The following SLC33A1 variants were observed in gnomAD, a reference collection of about 807,000 sequenced individuals.
SLC33A1 encodes acetyl-coenzyme A transporter 1.
In SLC33A1, 20 loss-of-function variants were observed where a neutral mutation model predicts 50.0. That is an observed-to-expected ratio of 0.40 (90% CI 0.28 to 0.58). The LOEUF (loss-of-function observed/expected upper bound fraction) is 0.58, where lower values mean the gene tolerates loss of function less well. Among genes scored for constraint, SLC33A1 ranks in the 20% least tolerant of loss-of-function variants. The pLI is 0.44. For synonymous variants in SLC33A1, 265 were observed against 251.8 expected, an observed-to-expected ratio of 1.05 and a Z score of -0.50; for missense variants, 476 against 657.0, an observed-to-expected ratio of 0.72 and a Z score of 3.01.
chr3:155,828,062 G>C lies in SLC33A1; in HGVS notation c.*148C>G. ...AAAATATGATCAAATATACAGAAAG[G>C]TTTCTATTTTTTCAACCATTTGGCA... is the stretch of plus-strand genomic sequence containing the variant. On this transcript the variant is annotated 3_prime_UTR_variant, in exon 6 of 6. Coordinates refer to ENST00000643144, the MANE Select transcript of SLC33A1 (RefSeq NM_004733.4). 1 of 631,734 alleles carries C rather than the reference G, an allele frequency of 1.6e-6. No homozygotes were observed. Among genetic ancestry groups the C allele is most frequent in the Non-Finnish European group, 2.8e-6 (1 of 359,174 alleles). The allele number at this position is 631,734 out of a possible 1,614,324, so 39.1% of individuals were successfully genotyped here. A position where few individuals can be genotyped will look rare whatever the true frequency, so the allele number is the denominator to read the frequency against.
chr3:155,850,382 AGAT>A (rs1753350719), intron 1 of SLC33A1, among the ~76,000 whole-genome samples: 1 of 152,298 alleles, frequency 6.6e-6, no homozygotes, highest in African/African-American at 2.4e-5. Flanking sequence ...AGGATTAAGG[AGAT>A]GATGTTACTT....
In SLC33A1 at chr3:155,854,157, G is replaced by A. The variant is rs962518888; in HGVS notation, c.-160C>T. On this transcript the variant is annotated 5_prime_UTR_variant, in exon 1 of 6. Coordinates refer to ENST00000643144, the MANE Select transcript of SLC33A1 (RefSeq NM_004733.4). ...ATAAGGGCACTTCTTACTGCAGCCCGGAGTGCTGAAGCCGGGAGCCAGTCC... is the reference window on the plus strand; with the variant it reads ...ATAAGGGCACTTCTTACTGCAGCCCAGAGTGCTGAAGCCGGGAGCCAGTCC... The A allele has an allele frequency of 3.7e-6, 2 of 543,462 alleles. No homozygotes were observed. The highest frequency in any genetic ancestry group is 6.3e-6 in the Non-Finnish European group (2 of 319,894). The allele number at this position is 543,462 out of a possible 1,614,324, so 33.7% of individuals were successfully genotyped here. A position where few individuals can be genotyped will look rare whatever the true frequency, so the allele number is the denominator to read the frequency against.
In SLC33A1 at chr3:155,831,143, G is replaced by A. The variant is rs1018090598; in HGVS notation, c.1267-1240C>T. Among the ~76,000 whole-genome samples the A allele has an allele frequency of 9.9e-5, 15 of 152,054 alleles. 1 individual carries two copies. The highest frequency in any genetic ancestry group is 1.5e-5 in the Non-Finnish European group (1 of 68,016). On this transcript the variant is annotated intron_variant, in intron 4 of 5. Coordinates refer to ENST00000643144, the MANE Select transcript of SLC33A1 (RefSeq NM_004733.4). ...CAGTACTCAGAATGGTTTCTGGCAG[G>A]GAATAGGTGTTCACTTAATATTTGT...
rs1275678302 is a variant in SLC33A1 at position 155,824,548 on chromosome 3, TTTCAAG to T, written c.*3656_*3661del. ...CTTATCTACTCTAATTCCTTCAAAG[TTTCAAG>T]TTCAATACAGTATAACATATGCAGA... On this transcript the variant is annotated 3_prime_UTR_variant, in exon 6 of 6. Coordinates refer to ENST00000643144, the MANE Select transcript of SLC33A1 (RefSeq NM_004733.4). 6.6e-6 allele frequency: 1 copy of T among 152,200 alleles called. No homozygotes were observed. Among genetic ancestry groups the T allele is most frequent in the African/African-American group, 2.4e-5 (1 of 41,464 alleles). The allele number at this position is 152,200 out of a possible 1,614,324, so 9.4% of individuals were successfully genotyped here. A position where few individuals can be genotyped will look rare whatever the true frequency, so the allele number is the denominator to read the frequency against.
At chr3:155,828,789 C>T (rs866682892) in intron 5 of SLC33A1, among the ~76,000 whole-genome samples, 3 of 151,786 alleles carry the variant, frequency 2.0e-5, no homozygotes, top group African/African-American at 7.3e-5. Context: ...GGTGCTTCAC[C>T]ATGTGGCCCA....
rs1431120824 is a variant in SLC33A1 at position 155,822,017 on chromosome 3, C to G, written c.*6193G>C. 1 of 152,060 alleles carries G rather than the reference C, an allele frequency of 6.6e-6. No individual in the cohort carries two copies. Among genetic ancestry groups the G allele is most frequent in the Non-Finnish European group, 1.5e-5 (1 of 68,048 alleles). The allele number at this position is 152,060 out of a possible 1,614,324, so 9.4% of individuals were successfully genotyped here. A position where few individuals can be genotyped will look rare whatever the true frequency, so the allele number is the denominator to read the frequency against. On this transcript the variant is annotated 3_prime_UTR_variant, in exon 6 of 6. Transcript: ENST00000643144. ...CAAACTCCTGACCTCAAGTGATTCT[C>G]CTGCCTAAGCCTCCCAAACTAATGG...
At chr3:155,850,413 G>A (rs1258515410) in intron 1 of SLC33A1, among the ~76,000 whole-genome samples, 5 of 152,172 alleles carry the variant, frequency 3.3e-5, no homozygotes, top group African/African-American at 1.2e-4. Context: ...GAAAGCCTCA[G>A]TGAAATCAAG....
At position 155,824,875 on chromosome 3, in the gene SLC33A1, T is replaced by C. The variant is rs1752166640; in HGVS notation, c.*3335A>G. On this transcript the variant is annotated 3_prime_UTR_variant, in exon 6 of 6. Coordinates refer to ENST00000643144, the MANE Select transcript of SLC33A1 (RefSeq NM_004733.4). ...TTTCGATTTCAAAGGTTTAATATTT[T>C]TAAAAAATTGAGAAATCTATTTAAG... 6.6e-6 allele frequency: 1 copy of C among 152,204 alleles called. No individual in the cohort carries two copies. The highest frequency in any genetic ancestry group is 2.4e-5 in the African/African-American group (1 of 41,452). The allele number at this position is 152,204 out of a possible 1,614,324, so 9.4% of individuals were successfully genotyped here. A position where few individuals can be genotyped will look rare whatever the true frequency, so the allele number is the denominator to read the frequency against.
rs561908946 is a variant in SLC33A1, at chr3:155,854,394, G to C, written c.-397C>G. 1.1e-5 allele frequency: 2 copies of C among 180,348 alleles called. No homozygotes were observed. Among genetic ancestry groups the C allele is most frequent in the East Asian group, 2.9e-4 (2 of 6,974 alleles). The allele number at this position is 180,348 out of a possible 1,614,324, so 11.2% of individuals were successfully genotyped here. A position where few individuals can be genotyped will look rare whatever the true frequency, so the allele number is the denominator to read the frequency against. On this transcript the variant is annotated 5_prime_UTR_variant, in exon 1 of 6. Transcript: ENST00000643144. ...CTCTCGCTGCTATCAATGCGGCAGA[G>C]AGCACTTTCTCTACAGGACTCCAGA... is the stretch of plus-strand genomic sequence containing the variant.
intron 1 of SLC33A1, among the ~76,000 whole-genome samples, chr3:155,850,299 G>A (rs1448617932): frequency 2.0e-5 from 3 of 151,852 alleles, no homozygotes; most frequent in African/African-American, 7.3e-5. Context: ...GAGCCAACGC[G>A]CCCAGCCAGT....
At chr3:155,828,401 A>C in intron 5 of SLC33A1, 24 bp from the exon 6 acceptor site, 4 of 1,404,864 alleles carry the variant, frequency 2.8e-6, no homozygotes, top group Non-Finnish European at 3.0e-6. Context: ...ACTATAATAA[A>C]TACTCCACAA....
chr3:155,830,517 G>A (rs1011946069), intron 4 of SLC33A1, among the ~76,000 whole-genome samples: 3 of 152,056 alleles, frequency 2.0e-5, no homozygotes, highest in Non-Finnish European at 4.4e-5. Context: ...AGGAAGTACT[G>A]TAAATAGAAG....
intron 1 of SLC33A1, among the ~76,000 whole-genome samples, chr3:155,847,076 C>A (rs145782395): frequency 6.6e-6 from 1 of 151,866 alleles, no homozygotes; most frequent in Non-Finnish European, 1.5e-5. Flanking sequence ...GGCATGGTGG[C>A]ACATGCCTGT....
chr3:155,833,562 G>A lies in SLC33A1; in HGVS notation c.1172C>T (p.Ala391Val). The A allele has an allele frequency of 1.9e-6, 3 of 1,591,118 alleles. No individual in the cohort carries two copies. The highest frequency in any genetic ancestry group is 2.6e-6 in the Non-Finnish European group (3 of 1,159,358). ...PYRLLLGLEYALLVWWTPKVE... is the reference protein window; with the variant it reads ...PYRLLLGLEYVLLVWWTPKVE... Reference sequence around the variant, plus strand: ...TTTAGGAGTCCACCAAACCAGTAGGGCATATTCTAACCCAAGCAATAATCT... The same window carrying A: ...TTTAGGAGTCCACCAAACCAGTAGGACATATTCTAACCCAAGCAATAATCT... Residue 391 changes from alanine (A) to valine (V), a missense_variant, in exon 4 of 6, where the codon GCC becomes GTC. Physicochemically the swap from Ala to Val is moderately conservative, Grantham distance 64. Transcript: ENST00000643144.
intron 1 of SLC33A1, among the ~76,000 whole-genome samples, chr3:155,849,954 T>C (rs899927571): frequency 9.1e-4 from 126 of 138,176 alleles, no homozygotes; most frequent in African/African-American, 2.8e-3. Flanking sequence ...ATAATAATAA[T>C]AACAATTCAC....
intron 1 of SLC33A1, among the ~76,000 whole-genome samples, chr3:155,847,122 C>G (rs868052576): frequency 6.6e-6 from 1 of 151,968 alleles, no homozygotes; most frequent in Non-Finnish European, 1.5e-5. Flanking sequence ...GCATGAGAAT[C>G]GCTTGAATCC....
intron 1 of SLC33A1, among the ~76,000 whole-genome samples, chr3:155,845,525 G>A (rs1299938396): frequency 6.6e-6 from 1 of 151,942 alleles, no homozygotes; most frequent in Non-Finnish European, 1.5e-5. Context: ...GCTTTGAGGA[G>A]AAAATACATA....
Position 155,854,426 on chromosome 3 carries a change from A to G in SLC33A1, c.-429T>C, listed in dbSNP as rs1378725565. ...TTCTCTACAGGACTCCAGAAAAAGC[A>G]TATAACTTCCTGCCTCGCGCTTCAG... On this transcript the variant is annotated 5_prime_UTR_variant, in exon 1 of 6. It removes an upstream start codon present in the reference 5' UTR. Transcript: ENST00000643144. 2 of 159,588 alleles carry G rather than the reference A, an allele frequency of 1.3e-5. No homozygotes were observed. Among genetic ancestry groups the G allele is most frequent in the African/African-American group, 4.8e-5 (2 of 41,734 alleles). The allele number at this position is 159,588 out of a possible 1,614,324, so 9.9% of individuals were successfully genotyped here. A position where few individuals can be genotyped will look rare whatever the true frequency, so the allele number is the denominator to read the frequency against.
chr3:155,836,280 C>CAAAAAAAAAAAAAAAAAAAAAAAAAAAAA (rs57460942), intron 2 of SLC33A1, among the ~76,000 whole-genome samples: 3 of 27,164 alleles, frequency 1.1e-4, no homozygotes, highest in African/African-American at 4.2e-4. Context: ...GAGACTCTGT[C>CAAAAAAAAAAAAAAAAAAAAAAAAAAAAA]AAAAAAAAAA....
Sources: gnomAD v4.1 joint callset for allele counts (sites outside exome capture counted in the v4.1 genomes callset) on GRCh38, gnomAD v4.1.1 for gene constraint, MANE v1.5 for transcripts, NCBI Gene and HGNC (gene_info 2026-07-23, HGNC 2026-07-21) for gene names.